Variants in PCDH15 observed in about 807,000 individuals in gnomAD.
PCDH15 encodes the protein protocadherin-15.
PCDH15 carries 129 observed loss-of-function variants against 178.5 expected under a neutral mutation model. That is an observed-to-expected ratio of 0.72 (90% CI 0.63 to 0.84). The LOEUF is 0.84. Among genes scored for constraint, PCDH15 ranks in the 40% least tolerant of loss-of-function variants. PCDH15 has a pLI of 0.00. For missense variants in PCDH15, 2,230 were observed against 2,099.9 expected (o/e 1.06, Z -1.21); for synonymous variants, 800 against 732.0 (o/e 1.09, Z -1.50).
At chr10:54,897,914 TG>T (rs1277994962) in intron 2 of PCDH15, among the ~76,000 whole-genome samples, 26 of 152,290 alleles carry the variant, frequency 1.7e-4, no homozygotes, top group African/African-American at 5.8e-4. Context: ...TGATTACACC[TG>T]GGTATTAAAA....
intron 2 of PCDH15, among the ~76,000 whole-genome samples, chr10:54,657,366 G>C (rs2094424915): frequency 6.6e-6 from 1 of 152,118 alleles, no homozygotes; most frequent in African/African-American, 2.4e-5. Context: ...TGTCAGGGTG[G>C]GTGCCTCCAG....
intron 2 of PCDH15, among the ~76,000 whole-genome samples, chr10:55,093,735 A>G (rs1325257967): frequency 1.3e-5 from 2 of 152,282 alleles, no homozygotes; most frequent in East Asian, 3.9e-4. Context: ...GGCAAAGGAT[A>G]TGAATAGACA....
intron 2 of PCDH15, among the ~76,000 whole-genome samples, chr10:55,538,426 C>CTTCCTTCCTTTCCTTCCTTCCTTCCTCCT (rs1841641848): frequency 9.3e-6 from 1 of 107,220 alleles, no homozygotes. Context: ...CCCTCCCTCC[C>CTTCCTTCCTTTCCTTCCTTCCTTCCTCCT]TTCCTTCCTT....
chr10:55,525,044 T>C (rs917573186), intron 2 of PCDH15, among the ~76,000 whole-genome samples: 2 of 151,764 alleles, frequency 1.3e-5, no homozygotes, highest in African/African-American at 4.8e-5. Flanking sequence ...CTACACTCCA[T>C]TGCTTTAAAA....
chr10:55,345,954 CT>C (rs2131960635), intron 2 of PCDH15, among the ~76,000 whole-genome samples: 1 of 151,924 alleles, frequency 6.6e-6, no homozygotes, highest in South Asian at 2.1e-4. Flanking sequence ...CATAATTAAC[CT>C]ATGAACAAAC....
At chr10:54,979,703 A>G (rs1839176701) in intron 2 of PCDH15, among the ~76,000 whole-genome samples, 1 of 150,170 alleles carries the variant, frequency 6.7e-6, no homozygotes, top group Non-Finnish European at 1.5e-5. Flanking sequence ...TTTTATTTTT[A>G]TCAACAGAAA....
chr10:55,111,219 GATTA>G (rs1393681440), intron 2 of PCDH15, among the ~76,000 whole-genome samples: 1 of 152,094 alleles, frequency 6.6e-6, no homozygotes, highest in Non-Finnish European at 1.5e-5. Flanking sequence ...AAGTGGTATA[GATTA>G]ATTAATCATT....
intron 3 of PCDH15, among the ~76,000 whole-genome samples, chr10:54,469,790 G>A (rs2077771418): frequency 1.3e-5 from 2 of 152,094 alleles, no homozygotes; most frequent in East Asian, 1.9e-4. Flanking sequence ...TAATAGTAGT[G>A]GAGGGTCAAT....
intron 3 of PCDH15, among the ~76,000 whole-genome samples, chr10:54,872,648 T>TA (rs1333745368): frequency 6.6e-6 from 1 of 152,010 alleles, no homozygotes; most frequent in Admixed American, 6.6e-5. Flanking sequence ...GGCTTTATGG[T>TA]AAAGAGGGTA....
chr10:53,829,441 G>T (rs10825115), intron 30 of PCDH15, among the ~76,000 whole-genome samples: 58,251 of 151,998 alleles, frequency 0.38, 11,821 homozygotes, highest in East Asian at 0.75. Context: ...TCACTGATTT[G>T]CTTGCTAGCA....
chr10:54,855,156 G>A (rs1564572701), intron 3 of PCDH15, among the ~76,000 whole-genome samples: 2 of 152,350 alleles, frequency 1.3e-5, no homozygotes, highest in South Asian at 4.1e-4. Context: ...GGAGAAGCCA[G>A]GCAGTGGTAG....
At chr10:54,298,251 A>T (rs748962569) in intron 8 of PCDH15, among the ~76,000 whole-genome samples, 1 of 152,266 alleles carries the variant, frequency 6.6e-6, no homozygotes, top group South Asian at 2.1e-4. Context: ...TAAGTTTATT[A>T]CCCGATCAGC....
chr10:54,118,296 C>A (rs886801429), intron 15 of PCDH15, among the ~76,000 whole-genome samples: 1 of 152,258 alleles, frequency 6.6e-6, no homozygotes, highest in African/African-American at 2.4e-5. Flanking sequence ...TGAGGAAAAA[C>A]TCCCTATTAA....
chr10:54,154,412 A>T (rs1051539332), intron 13 of PCDH15, among the ~76,000 whole-genome samples: 7 of 152,284 alleles, frequency 4.6e-5, no homozygotes, highest in African/African-American at 1.7e-4. Context: ...ACTTATATTT[A>T]TATTTTCAAT....
chr10:55,385,693 C>CTACATA (rs1554860544), intron 2 of PCDH15, among the ~76,000 whole-genome samples: 1 of 128,766 alleles, frequency 7.8e-6, no homozygotes, highest in African/African-American at 2.9e-5. Context: ...CTTCCTCTGC[C>CTACATA]TATATATATA....
chr10:54,718,650 G>A (rs2095509728), intron 1 of PCDH15, among the ~76,000 whole-genome samples: 1 of 148,602 alleles, frequency 6.7e-6, no homozygotes, highest in Admixed American at 6.7e-5. Flanking sequence ...ATGAAAAACA[G>A]AGTGCCACAA....
At chr10:54,656,345 G>A (rs905240255) in intron 2 of PCDH15, among the ~76,000 whole-genome samples, 4 of 152,072 alleles carry the variant, frequency 2.6e-5, no homozygotes, top group Admixed American at 2.0e-4. Flanking sequence ...AAAAGTATAG[G>A]TGGGGGTGCT....
rs187737903 is a variant in PCDH15, at chr10:54,061,124, G to C, written c.2220+5633C>G. Among the ~76,000 whole-genome samples the C allele has an allele frequency of 6.3e-4, 96 of 152,214 alleles. 1 individual carries two copies. The highest frequency in any genetic ancestry group is 2.3e-3 in the African/African-American group (94 of 41,532). On this transcript the variant is annotated intron_variant, in intron 18 of 37. Transcript: ENST00000644397. Reference sequence around the variant, plus strand: ...GATCAGAATATGACTGCATTTGGGGGCTTCTACTGGCATCTGCTCCCCCAA... The same window carrying C: ...GATCAGAATATGACTGCATTTGGGGCCTTCTACTGGCATCTGCTCCCCCAA...
At chr10:54,532,947 G>T (rs902119186) in intron 2 of PCDH15, among the ~76,000 whole-genome samples, 2 of 152,112 alleles carry the variant, frequency 1.3e-5, no homozygotes, top group Non-Finnish European at 2.9e-5. Context: ...GTGTGTGTGA[G>T]TTGCCCTGAG....
Sources: allele counts gnomAD v4.1 joint callset (sites outside exome capture counted in the v4.1 genomes callset), GRCh38; gene constraint gnomAD v4.1.1; transcripts MANE v1.5; gene names NCBI Gene and HGNC (gene_info 2026-07-23, HGNC 2026-07-21).